CACNA2D3: variants seen among roughly 807,000 people sequenced by gnomAD.
CACNA2D3 encodes the protein voltage-dependent calcium channel subunit alpha-2/delta-3.
In CACNA2D3, 60 loss-of-function variants were observed where a neutral mutation model predicts 160.6. The observed-to-expected ratio is 0.37, with a 90% CI of 0.30 to 0.46. CACNA2D3 has a LOEUF of 0.46. Ranked by LOEUF, CACNA2D3 falls within the 20% of genes least tolerant of loss-of-function variation. The pLI is 1.00. For missense variants in CACNA2D3, 1,205 were observed against 1,365.0 expected (o/e 0.88, Z 1.85); for synonymous variants, 558 against 492.9 (o/e 1.13, Z -1.75).
intron 11 of CACNA2D3, among the ~76,000 whole-genome samples, chr3:54,651,397 C>A (rs1444867898): frequency 6.8e-6 from 1 of 146,462 alleles, no homozygotes; most frequent in East Asian, 2.0e-4. Flanking sequence ...GTGCTGTGTA[C>A]TGTGCGTTTT....
At position 54,554,870 on chromosome 3, in the gene CACNA2D3, C is replaced by CTTTTTTTTTTTTTTTTTTTTTTTTTT. The variant is rs66526065; in HGVS notation, c.545-7909_545-7908insTTTTTTTTTTTTTTTTTTTTTTTTTT. Reference sequence around the variant, plus strand: ...TTTCTTTTCTTTTCTCTCTCACTCTCTTTTTTTTTTTTTTTTTTTTTGGAG... The same window carrying CTTTTTTTTTTTTTTTTTTTTTTTTTT: ...TTTCTTTTCTTTTCTCTCTCACTCTCTTTTTTTTTTTTTTTTTTTTTTTTTTTTTTTTTTTTTTTTTTTTTTTGGAG... On this transcript the variant is annotated intron_variant, in intron 5 of 37. Transcript: ENST00000474759. 5.2e-5 allele frequency among the ~76,000 whole-genome samples: 5 copies of CTTTTTTTTTTTTTTTTTTTTTTTTTT among 96,134 alleles called. 1 individual carries two copies. Among genetic ancestry groups the CTTTTTTTTTTTTTTTTTTTTTTTTTT allele is most frequent in the Admixed American group, 1.3e-4 (1 of 7,640 alleles). The allele number at this position is 96,134 out of a possible 152,430, so 63.1% of individuals were successfully genotyped here.
chr3:55,029,864 C>A (rs545876828), intron 35 of CACNA2D3, among the ~76,000 whole-genome samples: 2 of 152,286 alleles, frequency 1.3e-5, no homozygotes, highest in East Asian at 3.9e-4. Context: ...ATCTCCTGCT[C>A]TACAGATTCT....
intron 2 of CACNA2D3, among the ~76,000 whole-genome samples, chr3:54,274,665 T>A (rs1282197087): frequency 1.3e-5 from 2 of 152,230 alleles, no homozygotes; most frequent in Admixed American, 1.3e-4. Context: ...TTTACTAGGT[T>A]CTCTGTCCAG....
chr3:54,763,834 T>TGTACGTATATATACGTATATATAC (rs1559573894), intron 12 of CACNA2D3, among the ~76,000 whole-genome samples: 1 of 38,692 alleles, frequency 2.6e-5, no homozygotes, highest in Non-Finnish European at 5.8e-5. Flanking sequence ...CGTATATATA[T>TGTACGTATATATACGTATATATAC]GTATATATAT....
At chr3:54,124,405 A>G (rs1374428711) in intron 2 of CACNA2D3, among the ~76,000 whole-genome samples, 1 of 152,270 alleles carries the variant, frequency 6.6e-6, no homozygotes, top group Non-Finnish European at 1.5e-5. Context: ...GAGGGGTTCA[A>G]AGAATTTCAA....
chr3:54,577,499 C>T lies in CACNA2D3; in HGVS notation c.889-4304C>T, dbSNP rs112337296. Reference sequence around the variant, plus strand: ...CCAGAGAAGGCCAAGGACACATGCCCCTGTTCCAAAGAGTGAGTCACTTTG... The same window carrying T: ...CCAGAGAAGGCCAAGGACACATGCCTCTGTTCCAAAGAGTGAGTCACTTTG... On this transcript the variant is annotated intron_variant, in intron 8 of 37. Coordinates refer to ENST00000474759, the MANE Select transcript of CACNA2D3 (RefSeq NM_018398.3). 3.1e-4 allele frequency among the ~76,000 whole-genome samples: 47 copies of T among 152,308 alleles called. 2 individuals are homozygous for T. The highest frequency in any genetic ancestry group is 1.1e-3 in the African/African-American group (45 of 41,576).
intron 2 of CACNA2D3, among the ~76,000 whole-genome samples, chr3:54,150,872 A>G (rs953013843): frequency 1.3e-5 from 2 of 152,080 alleles, no homozygotes; most frequent in African/African-American, 4.8e-5. Flanking sequence ...GTATGGAGAA[A>G]GGGACAGAGA....
chr3:54,212,212 A>G (rs1027508968), intron 2 of CACNA2D3, among the ~76,000 whole-genome samples: 14 of 152,320 alleles, frequency 9.2e-5, no homozygotes, highest in Admixed American at 2.0e-4. Context: ...ACATATGCCC[A>G]AGGTGGTCGG....
chr3:54,272,033 C>A (rs1272466171), intron 2 of CACNA2D3, among the ~76,000 whole-genome samples: 1 of 152,052 alleles, frequency 6.6e-6, no homozygotes, highest in African/African-American at 2.4e-5. Flanking sequence ...CTTCTAGACA[C>A]CCAGACAGGG....
At chr3:54,904,575 A>G (rs1349964544) in intron 27 of CACNA2D3, among the ~76,000 whole-genome samples, 15 of 152,226 alleles carry the variant, frequency 9.9e-5, no homozygotes, top group Admixed American at 4.6e-4. Context: ...TAACATACCA[A>G]AATCTAAAAT....
chr3:54,473,651 A>G (rs1192374827), intron 4 of CACNA2D3, among the ~76,000 whole-genome samples: 1 of 152,250 alleles, frequency 6.6e-6, no homozygotes. Context: ...AAGGACTAAT[A>G]TCCAGAATCT....
chr3:54,642,925 G>C (rs750232916), intron 11 of CACNA2D3, among the ~76,000 whole-genome samples: 20 of 152,218 alleles, frequency 1.3e-4, no homozygotes, highest in Middle Eastern at 6.8e-3. Flanking sequence ...CCCTCCAGCA[G>C]CAAAATCTCT....
At chr3:54,953,632 C>G (rs1701811903) in intron 27 of CACNA2D3, among the ~76,000 whole-genome samples, 1 of 152,204 alleles carries the variant, frequency 6.6e-6, no homozygotes, top group African/African-American at 2.4e-5. Flanking sequence ...AGACTTCTGT[C>G]CATGCTAAAA....
At position 54,726,918 on chromosome 3, in the gene CACNA2D3, G is replaced by A. The variant is rs185960065; in HGVS notation, c.1168-25681G>A. On this transcript the variant is annotated intron_variant, in intron 11 of 37. Transcript: ENST00000474759. ...CAAAAGCCAAAATTGACAAATGGGAGCTAATTAAACTAAAGAGCTTCTGCA... is the reference window on the plus strand; with the variant it reads ...CAAAAGCCAAAATTGACAAATGGGAACTAATTAAACTAAAGAGCTTCTGCA... 3.3e-5 allele frequency among the ~76,000 whole-genome samples: 5 copies of A among 152,216 alleles called. No individual in the cohort carries two copies. In the East Asian group the frequency reaches 9.6e-4, roughly 29 times the overall value.
At chr3:54,500,131 T>C (rs1406502644) in intron 4 of CACNA2D3, among the ~76,000 whole-genome samples, 1 of 152,226 alleles carries the variant, frequency 6.6e-6, no homozygotes, top group Non-Finnish European at 1.5e-5. Flanking sequence ...AACCTCTTTA[T>C]CATTAAGTAA....
chr3:54,378,425 T>C (rs958430477), intron 3 of CACNA2D3, among the ~76,000 whole-genome samples: 1 of 152,198 alleles, frequency 6.6e-6, no homozygotes, highest in African/African-American at 2.4e-5. Context: ...CACCTCCTGC[T>C]GTGCAGCCCA....
chr3:54,253,107 C>CTT (rs34188932), intron 2 of CACNA2D3, among the ~76,000 whole-genome samples: 9 of 138,566 alleles, frequency 6.5e-5, no homozygotes, highest in Non-Finnish European at 1.1e-4. Flanking sequence ...TTAACCAACT[C>CTT]TTTTTTTTTT....
chr3:54,822,832 T>TTTCTTTCTTTTCTTTCTTTC lies in CACNA2D3; in HGVS notation c.1398+5964_1398+5965insCTTTCTTTTCTTTCTTTCTT, dbSNP rs1553874401. Among the ~76,000 whole-genome samples, 9 of 58,028 alleles carry TTTCTTTCTTTTCTTTCTTTC rather than the reference T, an allele frequency of 1.6e-4. 1 individual carries two copies. The highest frequency in any genetic ancestry group is 7.0e-4 in the African/African-American group (8 of 11,506). 38.1% of individuals were successfully genotyped at this position (58,028 alleles called of 152,430 possible). On this transcript the variant is annotated intron_variant, in intron 14 of 37. Coordinates refer to ENST00000474759, the MANE Select transcript of CACNA2D3 (RefSeq NM_018398.3). The stretch of plus-strand genomic sequence containing the variant: ...CTTTCTTTCTTTCTTTCTTTCTTTC[T>TTTCTTTCTTTTCTTTCTTTC]TTTCTTTCTTTCTTTCTTTCTTTCT...
intron 11 of CACNA2D3, among the ~76,000 whole-genome samples, chr3:54,680,477 C>G (rs1379012037): frequency 1.3e-5 from 2 of 152,222 alleles, no homozygotes; most frequent in African/African-American, 4.8e-5. Context: ...GCCCCTACCC[C>G]CAGCCTGGGT....
Sources: gnomAD v4.1 joint callset for allele counts (sites outside exome capture counted in the v4.1 genomes callset) on GRCh38, gnomAD v4.1.1 for gene constraint, MANE v1.5 for transcripts, NCBI Gene and HGNC (gene_info 2026-07-23, HGNC 2026-07-21) for gene names.